The following CMKLR1 variants were observed in gnomAD, a reference collection of about 807,000 sequenced individuals.
CMKLR1 encodes chemerin chemokine-like receptor 1.
CMKLR1 carries 6 observed loss-of-function variants against 8.2 expected under a neutral mutation model. That is an observed-to-expected ratio of 0.73 (90% CI 0.40 to 1.44). CMKLR1 has a LOEUF of 1.44. Among genes scored for constraint, CMKLR1 ranks in the 40% most tolerant of loss-of-function variants. CMKLR1 has a pLI of 0.02. For missense variants in CMKLR1, 429 were observed against 478.0 expected (o/e 0.90, Z 0.96); for synonymous variants, 178 against 181.2 (o/e 0.98, Z 0.14).
At chr12:108,333,613 G>A (rs1166749295) in intron 1 of CMKLR1, among the ~76,000 whole-genome samples, 1 of 152,204 alleles carries the variant, frequency 6.6e-6, no homozygotes, top group Non-Finnish European at 1.5e-5. Context: ...CTGACAGGCA[G>A]GTACTCATAG....
chr12:108,307,327 G>A (rs377667223), intron 2 of CMKLR1, among the ~76,000 whole-genome samples: 15 of 152,040 alleles, frequency 9.9e-5, no homozygotes, highest in South Asian at 2.1e-4. Flanking sequence ...TTGGAATCTC[G>A]ACTCTGGGAG....
intron 2 of CMKLR1, among the ~76,000 whole-genome samples, chr12:108,313,870 G>A (rs2138271): frequency 0.74 from 112,433 of 152,028 alleles, 42,297 homozygotes; most frequent in East Asian, 0.97. Flanking sequence ...TGCCACATTC[G>A]TGTCAGTGTT....
chr12:108,323,445 A>T (rs150684922), intron 2 of CMKLR1, among the ~76,000 whole-genome samples: 1 of 152,212 alleles, frequency 6.6e-6, no homozygotes, highest in Admixed American at 6.5e-5. Context: ...CTTCTGTTTG[A>T]CATTGGGGGA....
At chr12:108,325,851 A>G (rs1255771595) in intron 2 of CMKLR1, among the ~76,000 whole-genome samples, 1 of 152,030 alleles carries the variant, frequency 6.6e-6, no homozygotes, top group Non-Finnish European at 1.5e-5. Context: ...CTGAACAAGG[A>G]GGGGAGGAAA....
intron 2 of CMKLR1, among the ~76,000 whole-genome samples, chr12:108,304,096 G>A (rs1020974390): frequency 7.2e-5 from 11 of 152,198 alleles, no homozygotes; most frequent in African/African-American, 2.7e-4. Flanking sequence ...TTGGTTGATC[G>A]ATGACAGTGT....
rs1036953525 is a variant in CMKLR1, at chr12:108,289,602, C to T, written c.*2239G>A. On this transcript the variant is annotated 3_prime_UTR_variant, in exon 4 of 4. Coordinates refer to ENST00000550402, the MANE Select transcript of CMKLR1 (RefSeq NM_001142343.2). Reference sequence around the variant, plus strand: ...ATCCTACAAGCCAGGAGGGCCAAGGCGCTGACGACTGCTGCTGTGACCCGG... The same window carrying T: ...ATCCTACAAGCCAGGAGGGCCAAGGTGCTGACGACTGCTGCTGTGACCCGG... 2.6e-5 allele frequency: 4 copies of T among 152,250 alleles called. No homozygotes were observed. The highest frequency in any genetic ancestry group is 4.4e-5 in the Non-Finnish European group (3 of 68,054). The allele number at this position is 152,250 out of a possible 1,614,324, so 9.4% of individuals were successfully genotyped here.
chr12:108,324,793 C>T (rs892182107), intron 2 of CMKLR1, among the ~76,000 whole-genome samples: 3 of 152,070 alleles, frequency 2.0e-5, no homozygotes, highest in Non-Finnish European at 4.4e-5. Flanking sequence ...GTTGGGCTCA[C>T]TTGTTCATTT....
chr12:108,338,259 G>A (rs1396464392), intron 1 of CMKLR1, among the ~76,000 whole-genome samples: 1 of 152,164 alleles, frequency 6.6e-6, no homozygotes. Context: ...AGAACCCTTA[G>A]ATATCAATTG....
chr12:108,335,055 T>G (rs1159722188), intron 1 of CMKLR1, among the ~76,000 whole-genome samples: 1 of 152,196 alleles, frequency 6.6e-6, no homozygotes, highest in Non-Finnish European at 1.5e-5. Flanking sequence ...GGTGATGTTG[T>G]GAGTCCAACA....
At chr12:108,307,613 G>A (rs997131540) in intron 2 of CMKLR1, among the ~76,000 whole-genome samples, 3 of 152,172 alleles carry the variant, frequency 2.0e-5, no homozygotes, top group African/African-American at 7.2e-5. Flanking sequence ...TTGCTCTGGT[G>A]AGCTGGATAA....
chr12:108,330,776 G>A (rs1892086224), intron 1 of CMKLR1, among the ~76,000 whole-genome samples: 1 of 152,196 alleles, frequency 6.6e-6, no homozygotes. Context: ...AGGACTGGGA[G>A]CAGAAGGAGG....
intron 1 of CMKLR1, among the ~76,000 whole-genome samples, chr12:108,333,030 C>T (rs1472764008): frequency 6.6e-6 from 1 of 152,160 alleles, no homozygotes; most frequent in Non-Finnish European, 1.5e-5. Context: ...CTCACATCTG[C>T]CAGACCACAG....
Position 108,292,970 on chromosome 12 carries a change from A to G in CMKLR1, c.4-11T>C. On this transcript the variant is annotated splice_polypyrimidine_tract_variant and intron_variant, in intron 3 of 3. Transcript: ENST00000550402. ...TTCATCCTCCATTCTCTGCAAGAGAAGACAGGGACCATTAGAGGAACCCTA... is the reference window on the plus strand; with the variant it reads ...TTCATCCTCCATTCTCTGCAAGAGAGGACAGGGACCATTAGAGGAACCCTA... The G allele has an allele frequency of 1.3e-6, 2 of 1,594,436 alleles. No individual in the cohort carries two copies. The highest frequency in any genetic ancestry group is 1.7e-6 in the Non-Finnish European group (2 of 1,169,036).
intron 3 of CMKLR1, 105 bp from the exon 4 acceptor site, chr12:108,293,064 C>T (rs998469960): frequency 1.8e-6 from 2 of 1,088,350 alleles, no homozygotes; most frequent in African/African-American, 1.6e-5. Context: ...TGAGCAAGTC[C>T]AGTTTTGTGA....
At chr12:108,309,776 C>G (rs1429648171) in intron 2 of CMKLR1, among the ~76,000 whole-genome samples, 1 of 152,208 alleles carries the variant, frequency 6.6e-6, no homozygotes, top group Non-Finnish European at 1.5e-5. Context: ...CTATTGTTCC[C>G]TGGGGTAATA....
rs1330443149 is a variant in CMKLR1 at position 108,288,772 on chromosome 12, TTC to T, written c.*3067_*3068del. The T allele has an allele frequency of 6.6e-6, 1 of 152,276 alleles. No individual in the cohort carries two copies. Among genetic ancestry groups the T allele is most frequent in the Non-Finnish European group, 1.5e-5 (1 of 68,144 alleles). 9.4% of individuals were successfully genotyped at this position (152,276 alleles called of 1,614,324 possible). ...TCTTTGGACTTCCATTCCTCTCCCC[TTC>T]TCTCTTCTTTCTTTCTTCCTTGTCT... On this transcript the variant is annotated 3_prime_UTR_variant, in exon 4 of 4. Coordinates refer to ENST00000550402, the MANE Select transcript of CMKLR1 (RefSeq NM_001142343.2).
In CMKLR1 at chr12:108,292,099, G is replaced by A. The variant is rs2137290728; in HGVS notation, c.864C>T (p.Ala288=). 1 of 1,614,240 alleles carries A rather than the reference G, an allele frequency of 6.2e-7. No homozygotes were observed. Among genetic ancestry groups the A allele is most frequent in the South Asian group, 1.1e-5 (1 of 91,082 alleles). ...TLNLLELHHT[A]MPGSVFSLGL... ...CCAGGCTGAAGACAGAGCCAGGCAT[G>A]GCAGTGTGGTGGAGCTCTAGGAGGT... is the stretch of plus-strand genomic sequence containing the variant. Residue 288 remains alanine (A), a synonymous_variant, in exon 4 of 4, where the codon GCC becomes GCT. Coordinates refer to ENST00000550402, the MANE Select transcript of CMKLR1 (RefSeq NM_001142343.2).
rs1257820532 is a variant in CMKLR1, at chr12:108,292,108, G to A, written c.855C>T (p.His285=). 2 of 1,614,110 alleles carry A rather than the reference G, an allele frequency of 1.2e-6. No individual in the cohort carries two copies. Among genetic ancestry groups the A allele is most frequent in the African/African-American group, 1.3e-5 (1 of 74,940 alleles). The change falls in exon 4 of 4, where the codon CAC becomes CAT. Residue 285 remains histidine (H), a synonymous_variant. Transcript: ENST00000550402. ...PYHTLNLLEL[H]HTAMPGSVFS... ...AGACAGAGCCAGGCATGGCAGTGTGGTGGAGCTCTAGGAGGTTGAGTGTGT... is the reference window on the plus strand; with the variant it reads ...AGACAGAGCCAGGCATGGCAGTGTGATGGAGCTCTAGGAGGTTGAGTGTGT...
At chr12:108,302,210 A>G (rs1714807451) in intron 2 of CMKLR1, among the ~76,000 whole-genome samples, 1 of 152,256 alleles carries the variant, frequency 6.6e-6, no homozygotes, top group African/African-American at 2.4e-5. Context: ...TACACCTTCT[A>G]GACTGTGGCA....
Sources: allele counts gnomAD v4.1 joint callset (sites outside exome capture counted in the v4.1 genomes callset), GRCh38; gene constraint gnomAD v4.1.1; transcripts MANE v1.5; gene names NCBI Gene and HGNC (gene_info 2026-07-23, HGNC 2026-07-21).